DCHS2: variants seen among roughly 807,000 people sequenced by gnomAD.
DCHS2 encodes the protein protocadherin-23.
DCHS2 carries 142 observed loss-of-function variants against 182.4 expected under a neutral mutation model. That is an observed-to-expected ratio of 0.78 (90% CI 0.68 to 0.89). DCHS2 has a LOEUF of 0.89. Among genes scored for constraint, DCHS2 ranks in the 40% least tolerant of loss-of-function variants. DCHS2 has a pLI of 0.00. For missense variants in DCHS2, 4,319 were observed against 4,198.6 expected, an observed-to-expected ratio of 1.03 and a Z score of -0.79; for synonymous variants, 1,740 against 1,663.3, an observed-to-expected ratio of 1.05 and a Z score of -1.12.
At chr4:154,440,026 T>C (rs1323048771) in intron 1 of DCHS2, among the ~76,000 whole-genome samples, 1 of 152,240 alleles carries the variant, frequency 6.6e-6, no homozygotes, top group Admixed American at 6.5e-5. Context: ...CAAAGTCATC[T>C]ATTTATTGAA....
chr4:154,488,919 T>A (rs983320109), intron 1 of DCHS2, among the ~76,000 whole-genome samples: 1 of 150,956 alleles, frequency 6.6e-6, no homozygotes, highest in Non-Finnish European at 1.5e-5. Flanking sequence ...TGTGTGTGTG[T>A]GTGTGTGTGT....
At chr4:154,259,806 C>A in intron 14 of DCHS2, 50 bp from the exon 15 acceptor site, 1 of 1,499,466 alleles carries the variant, frequency 6.7e-7, no homozygotes, top group Admixed American at 2.3e-5. Flanking sequence ...TGTAGTTATT[C>A]TTTTATTTTT....
chr4:154,294,386 A>C (rs1734824029), intron 13 of DCHS2, among the ~76,000 whole-genome samples: 1 of 152,186 alleles, frequency 6.6e-6, no homozygotes, highest in Non-Finnish European at 1.5e-5. Context: ...TATGAAGCAG[A>C]GTTACAGTTT....
chr4:154,240,275 T>C (rs1443491222), intron 18 of DCHS2, among the ~76,000 whole-genome samples: 2 of 149,536 alleles, frequency 1.3e-5, no homozygotes, highest in Non-Finnish European at 3.0e-5. Flanking sequence ...GTTCCAATTG[T>C]CATGACAAAC....
chr4:154,378,500 G>GGAAGGAAGGAAGGAAA (rs1731018864), intron 1 of DCHS2, among the ~76,000 whole-genome samples: 2 of 99,314 alleles, frequency 2.0e-5, no homozygotes, highest in African/African-American at 7.0e-5. Flanking sequence ...AGGGAGGGTG[G>GGAAGGAAGGAAGGAAA]GAAGGAAGGA....
Position 154,365,012 on chromosome 4 carries a change from T to C in DCHS2, c.2476+1198A>G, listed in dbSNP as rs7691865. ...ATTATATTTTTGAAATGTTTTATTT[T>C]CTTATAATCAAATATTTAAACCAAT... On this transcript the variant is annotated intron_variant, in intron 3 of 19. Coordinates refer to ENST00000357232, the MANE Select transcript of DCHS2 (RefSeq NM_001358235.2). Among the ~76,000 whole-genome samples, 1,309 of 152,326 alleles carry C rather than the reference T, an allele frequency of 8.6e-3. 18 individuals carry two copies. The highest frequency in any genetic ancestry group is 0.028 in the African/African-American group (1,181 of 41,568).
At chr4:154,295,640 T>C (rs1734894163) in intron 13 of DCHS2, among the ~76,000 whole-genome samples, 5 of 152,362 alleles carry the variant, frequency 3.3e-5, no homozygotes, top group African/African-American at 9.6e-5. Flanking sequence ...CAAGTAACTT[T>C]ATGAAATTCA....
chr4:154,485,848 T>C (rs1286722967), intron 1 of DCHS2, among the ~76,000 whole-genome samples: 1 of 152,216 alleles, frequency 6.6e-6, no homozygotes, highest in African/African-American at 2.4e-5. Context: ...AAGCTGCAAA[T>C]GCAGCTCACA....
chr4:154,333,700 G>A, intron 4 of DCHS2: 2 of 611,118 alleles, frequency 3.3e-6, no homozygotes, highest in South Asian at 4.1e-5. Flanking sequence ...CCTTACCATT[G>A]GGGTACAACT....
intron 1 of DCHS2, among the ~76,000 whole-genome samples, chr4:154,385,195 T>C (rs901106785): frequency 6.6e-5 from 10 of 150,722 alleles, no homozygotes; most frequent in African/African-American, 2.4e-4. Context: ...GTCCTTGCAA[T>C]AGTTTGCTGA....
At chr4:154,427,515 C>T (rs1336754205) in intron 1 of DCHS2, among the ~76,000 whole-genome samples, 5 of 152,218 alleles carry the variant, frequency 3.3e-5, no homozygotes, top group Non-Finnish European at 7.3e-5. Flanking sequence ...TGAACCTATT[C>T]TGGTTCTGAG....
Position 154,490,983 on chromosome 4 carries a change from T to C in DCHS2, c.373A>G (p.Ile125Val), listed in dbSNP as rs780889555. 19 of 1,550,384 alleles carry C rather than the reference T, an allele frequency of 1.2e-5. No individual in the cohort carries two copies. The South Asian group carries it at 2.1e-4, about 17-fold the overall frequency. ...DFHVHPDTGI[I>V]RTARRLDRER... Reference sequence around the variant, plus strand: ...CGGTCCAGGCGCCGCGCAGTGCGGATGATGCCGGTGTCCGGGTGCACGTGG... The same window carrying C: ...CGGTCCAGGCGCCGCGCAGTGCGGACGATGCCGGTGTCCGGGTGCACGTGG... Residue 125 changes from isoleucine (I) to valine (V), a missense_variant, in exon 1 of 20, where the codon ATC becomes GTC. By Grantham distance (29) the Ile-to-Val change is conservative. Transcript: ENST00000357232.
intron 1 of DCHS2, among the ~76,000 whole-genome samples, chr4:154,390,162 T>C (rs1731628108): frequency 6.6e-6 from 1 of 151,486 alleles, no homozygotes; most frequent in Non-Finnish European, 1.5e-5. Flanking sequence ...ATGTGCACAT[T>C]GTGCAGGTTA....
At chr4:154,453,956 T>G (rs1405302210) in intron 1 of DCHS2, among the ~76,000 whole-genome samples, 1 of 152,212 alleles carries the variant, frequency 6.6e-6, no homozygotes, top group Non-Finnish European at 1.5e-5. Flanking sequence ...TTTTAAAGCA[T>G]TAATGTGACA....
At chr4:154,445,465 T>C (rs1303263791) in intron 1 of DCHS2, among the ~76,000 whole-genome samples, 1 of 152,148 alleles carries the variant, frequency 6.6e-6, no homozygotes, top group Non-Finnish European at 1.5e-5. Flanking sequence ...AAGCACCTCC[T>C]AGAAAAGCCT....
chr4:154,418,330 T>C (rs1732958883), intron 1 of DCHS2, among the ~76,000 whole-genome samples: 1 of 152,180 alleles, frequency 6.6e-6, no homozygotes, highest in African/African-American at 2.4e-5. Context: ...GGTGTCTCAG[T>C]GCCCAGCTCA....
chr4:154,340,256 A>C (rs1194393731), intron 3 of DCHS2, among the ~76,000 whole-genome samples: 1 of 152,210 alleles, frequency 6.6e-6, no homozygotes, highest in Non-Finnish European at 1.5e-5. Context: ...AGAACCATTA[A>C]ATGAAGATAT....
chr4:154,305,374 AAAACC>A, intron 10 of DCHS2, 143 bp from the exon 11 acceptor site: 1 of 1,128,074 alleles, frequency 8.9e-7, no homozygotes, highest in Non-Finnish European at 1.2e-6. Context: ...AAGGTAAAAG[AAAACC>A]TCTTTTGGCT....
At chr4:154,339,327 G>C (rs569389782) in intron 3 of DCHS2, among the ~76,000 whole-genome samples, 2 of 152,002 alleles carry the variant, frequency 1.3e-5, no homozygotes. Context: ...TCTGCTTTAC[G>C]CAGTTCACCA....
Sources: gnomAD v4.1 joint callset for allele counts (sites outside exome capture counted in the v4.1 genomes callset) on GRCh38, gnomAD v4.1.1 for gene constraint, MANE v1.5 for transcripts, NCBI Gene and HGNC (gene_info 2026-07-23, HGNC 2026-07-21) for gene names.